ZNF43: variants seen among roughly 807,000 people sequenced by gnomAD.
The protein encoded by ZNF43 is zinc finger protein 43.
ZNF43 carries 44 observed loss-of-function variants against 68.4 expected under a neutral mutation model. The ratio of observed to expected loss-of-function variants is 0.64; its 90% CI spans 0.51 to 0.83. The LOEUF (loss-of-function observed/expected upper bound fraction) is 0.83. Ranked by LOEUF, ZNF43 falls within the 40% of genes least tolerant of loss-of-function variation. The pLI is 0.00. For synonymous variants in ZNF43, 308 were observed against 307.8 expected, an observed-to-expected ratio of 1.00 and a Z score of -0.01; for missense variants, 896 against 933.2, an observed-to-expected ratio of 0.96 and a Z score of 0.52.
At position 21,807,698 on chromosome 19, in the gene ZNF43, T is replaced by C. The variant is rs376749414; in HGVS notation, c.2339A>G (p.His780Arg). 6 of 1,611,682 alleles carry C rather than the reference T, an allele frequency of 3.7e-6. No individual in the cohort carries two copies. The African/African-American group carries it at 4.0e-5, about 11-fold the overall frequency. The change falls in exon 4 of 4, where the codon CAT becomes CGT. Residue 780 changes from histidine (H) to arginine (R), a missense_variant. Coordinates refer to ENST00000354959, the MANE Select transcript of ZNF43 (RefSeq NM_003423.4). ...TTTCTCTCCAGTATGAATTTTGTTA[T>C]GTGTAGTAAGGTTTGAATATTGGTT... Reference protein sequence around the residue: ...AFNQYSNLTTHNKIHTGEKLY... With the variant: ...AFNQYSNLTTRNKIHTGEKLY...
intron 3 of ZNF43, among the ~76,000 whole-genome samples, chr19:21,816,060 C>CA (rs60910156): frequency 0.059 from 6,397 of 107,826 alleles, 207 homozygotes; most frequent in South Asian, 0.19. Context: ...GACTCTGACG[C>CA]AAAAAAAAAA....
At position 21,808,113 on chromosome 19, in the gene ZNF43, T is replaced by C. The variant is rs1223263379; in HGVS notation, c.1924A>G (p.Ile642Val). The C allele has an allele frequency of 3.7e-6, 6 of 1,613,234 alleles. No individual in the cohort carries two copies. Among genetic ancestry groups the C allele is most frequent in the East Asian group, 4.5e-5 (2 of 44,820 alleles). The change falls in exon 4 of 4, where the codon ATA (isoleucine) becomes GTA (valine). Residue 642 changes from isoleucine (I) to valine (V), a missense_variant. Coordinates refer to ENST00000354959, the MANE Select transcript of ZNF43 (RefSeq NM_003423.4). ...TAGGGTTTCTCCTCAGTGTGAATTA[T>C]CTTATGTTTAGTAAGAGTTGAGAAC... Reference protein sequence around the residue: ...NQFSTLTKHKIIHTEEKPYKC... With the variant: ...NQFSTLTKHKVIHTEEKPYKC...
chr19:21,812,787 C>A (rs1265490387), intron 3 of ZNF43, among the ~76,000 whole-genome samples: 1 of 151,988 alleles, frequency 6.6e-6, no homozygotes, highest in South Asian at 2.1e-4. Flanking sequence ...CCCATCTCTA[C>A]TAAAAACACA....
intron 1 of ZNF43, among the ~76,000 whole-genome samples, chr19:21,847,144 T>TG (rs1365732475): frequency 6.6e-6 from 1 of 152,122 alleles, no homozygotes; most frequent in African/African-American, 2.4e-5. Context: ...AGCATCTGGT[T>TG]GCTGGCCACA....
rs1316453153 is a variant in ZNF43 at position 21,807,638 on chromosome 19, G to A, written c.2399C>T (p.Thr800Ile). 3 of 1,560,458 alleles carry A rather than the reference G, an allele frequency of 1.9e-6. No individual in the cohort carries two copies. The highest frequency in any genetic ancestry group is 2.0e-5 in the Admixed American group (1 of 48,858). ...TATGTTTGAAAAAGTTTGAGGTGTT[G>A]TCAAAATCACTGTCACATCTTCAGG... is the stretch of plus-strand genomic sequence containing the variant. ...YKPEDVTVIL[T>I]TPQTFSNIK is the part of the protein sequence containing the mutation. The change falls in exon 4 of 4, where the codon ACA becomes ATA. Residue 800 changes from threonine to isoleucine, a missense_variant. By Grantham distance (89) the Thr-to-Ile change is moderately conservative. Transcript: ENST00000354959.
intron 1 of ZNF43, among the ~76,000 whole-genome samples, chr19:21,847,828 A>AT (rs1968070341): frequency 6.6e-6 from 1 of 152,124 alleles, no homozygotes; most frequent in African/African-American, 2.4e-5. Context: ...ATATGTAACA[A>AT]TTTCTTTTTT....
Position 21,808,463 on chromosome 19 carries a change from A to C in ZNF43, c.1574T>G (p.Leu525Arg). The change falls in exon 4 of 4, where the codon CTT becomes CGT. Residue 525 changes from leucine to arginine, a missense_variant. By Grantham distance (102) the Leu-to-Arg change is moderately radical. Coordinates refer to ENST00000354959, the MANE Select transcript of ZNF43 (RefSeq NM_003423.4). ...AGTATGAGTTATCTTATGTTCAGTA[A>C]GCTTTGAGGACCACTTAAAAGCTTT... ...CGKAFKWSSK[L>R]TEHKITHTGE... 1 of 1,613,178 alleles carries C rather than the reference A, an allele frequency of 6.2e-7. No individual in the cohort carries two copies. Among genetic ancestry groups the C allele is most frequent in the Non-Finnish European group, 8.5e-7 (1 of 1,179,830 alleles).
intron 1 of ZNF43, among the ~76,000 whole-genome samples, chr19:21,847,200 GGA>G (rs1417914760): frequency 6.6e-6 from 1 of 152,224 alleles, no homozygotes; most frequent in African/African-American, 2.4e-5. Flanking sequence ...AGGCAGAAGA[GGA>G]GAGTCACATC....
chr19:21,814,128 TA>T (rs771699996), intron 3 of ZNF43, among the ~76,000 whole-genome samples: 6 of 149,988 alleles, frequency 4.0e-5, no homozygotes, highest in African/African-American at 7.3e-5. Context: ...ACACTAACAT[TA>T]AAAAAAAACA....
chr19:21,820,421 T>C (rs1373719405), intron 1 of ZNF43, among the ~76,000 whole-genome samples: 1 of 150,798 alleles, frequency 6.6e-6, no homozygotes, highest in Non-Finnish European at 1.5e-5. Context: ...GTACTAAAAA[T>C]ACAAAAATTA....
At chr19:21,843,988 T>C (rs1967725551) in intron 1 of ZNF43, among the ~76,000 whole-genome samples, 1 of 152,076 alleles carries the variant, frequency 6.6e-6, no homozygotes, top group African/African-American at 2.4e-5. Context: ...CATATGAGTA[T>C]AACAATGTCA....
At chr19:21,846,831 G>A (rs1041209363) in intron 1 of ZNF43, among the ~76,000 whole-genome samples, 2 of 152,164 alleles carry the variant, frequency 1.3e-5, no homozygotes, top group African/African-American at 4.8e-5. Context: ...CAGGGTCCAG[G>A]CATAAAAGTT....
chr19:21,851,917 T>G lies in ZNF43; in HGVS notation c.18A>C (p.Gly6=), dbSNP rs370000811. The G allele has an allele frequency of 1.2e-4, 192 of 1,579,608 alleles. No homozygotes were observed. The African/African-American group carries it at 2.3e-3, about 19-fold the overall frequency. The change falls in exon 1 of 4, where the codon GGA becomes GGC. Residue 6 remains glycine (G), a synonymous_variant. Coordinates refer to the ZNF43 transcript ENST00000357491. ...CCCGCACACTCACCATTTCCCAGCT[T>G]CCAGGATGTCCGGGCATCTTAGCTG...
In ZNF43 at chr19:21,805,431, T is replaced by A. The variant is rs1430184185; in HGVS notation, c.*2176A>T. The A allele has an allele frequency of 6.6e-6, 1 of 151,854 alleles. No homozygotes were observed. Among genetic ancestry groups the A allele is most frequent in the Non-Finnish European group, 1.5e-5 (1 of 68,064 alleles). 9.4% of individuals were successfully genotyped at this position (151,854 alleles called of 1,614,324 possible). On this transcript the variant is annotated 3_prime_UTR_variant, in exon 4 of 4. Transcript: ENST00000354959. The stretch of plus-strand genomic sequence containing the variant: ...GTGAGCCAAGATCATGCCACTGTAC[T>A]CCAGCCTGGGTGACAGAGCGAGACT...
chr19:21,823,229 GGAT>G (rs1599487317), intron 1 of ZNF43, among the ~76,000 whole-genome samples: 1 of 152,042 alleles, frequency 6.6e-6, no homozygotes, highest in African/African-American at 2.4e-5. Context: ...AAAAATTCCT[GGAT>G]GATAGGGATG....
intron 1 of ZNF43, among the ~76,000 whole-genome samples, chr19:21,832,105 G>A (rs1415073900): frequency 6.6e-6 from 1 of 152,112 alleles, no homozygotes; most frequent in Non-Finnish European, 1.5e-5. Context: ...AACAAAACTG[G>A]AAGCAGTACA....
chr19:21,808,361 A>G lies in ZNF43; in HGVS notation c.1676T>C (p.Ile559Thr), dbSNP rs764083760. 33 of 1,611,988 alleles carry G rather than the reference A, an allele frequency of 2.0e-5. No homozygotes were observed. Among genetic ancestry groups the G allele is most frequent in the Non-Finnish European group, 2.8e-5 (33 of 1,179,478 alleles). Reference sequence around the variant, plus strand: ...CTTGTAGGGTTTCTCTCCAGTATGAATCCTCTTATGTTTGGTAAGGATTGA... The same window carrying G: ...CTTGTAGGGTTTCTCTCCAGTATGAGTCCTCTTATGTTTGGTAAGGATTGA... ...HFSILTKHKRIHTGEKPYKCE... is the reference protein window; with the variant it reads ...HFSILTKHKRTHTGEKPYKCE... The change falls in exon 4 of 4, where the codon ATT becomes ACT. Residue 559 changes from isoleucine to threonine, a missense_variant. Ile to Thr is a moderately conservative substitution (Grantham distance 89, BLOSUM62 -1). Coordinates refer to ENST00000354959, the MANE Select transcript of ZNF43 (RefSeq NM_003423.4).
chr19:21,849,779 AG>A (rs1270177290), intron 1 of ZNF43: 1 of 152,198 alleles, frequency 6.6e-6, no homozygotes, highest in African/African-American at 2.4e-5. Flanking sequence ...CATTTGTACA[AG>A]AAAGAGACCC....
intron 1 of ZNF43, among the ~76,000 whole-genome samples, chr19:21,819,638 A>AT (rs2037702893): frequency 6.6e-6 from 1 of 152,152 alleles, no homozygotes; most frequent in Non-Finnish European, 1.5e-5. Context: ...AATGAAGATT[A>AT]TTTTTTCAGA....
Sources: allele counts gnomAD v4.1 joint callset (sites outside exome capture counted in the v4.1 genomes callset), GRCh38; gene constraint gnomAD v4.1.1; transcripts MANE v1.5; gene names NCBI Gene and HGNC (gene_info 2026-07-23, HGNC 2026-07-21).